Variants in ALK observed in about 807,000 individuals in gnomAD.
ALK encodes ALK tyrosine kinase receptor.
A neutral mutation model predicts 163.1 loss-of-function variants in ALK; 74 were observed. The ratio of observed to expected loss-of-function variants is 0.45; its 90% CI spans 0.38 to 0.55. The LOEUF (loss-of-function observed/expected upper bound fraction) is 0.55. Ranked by LOEUF, ALK falls within the 20% of genes least tolerant of loss-of-function variation. ALK has a pLI of 0.00. For synonymous variants in ALK, 960 were observed against 843.2 expected, an observed-to-expected ratio of 1.14 and a Z score of -2.40; for missense variants, 2,063 against 2,105.3, an observed-to-expected ratio of 0.98 and a Z score of 0.39.
chr2:29,320,287 G>A (rs974116969), intron 7 of ALK, among the ~76,000 whole-genome samples: 1 of 152,148 alleles, frequency 6.6e-6, no homozygotes, highest in Admixed American at 6.5e-5. Context: ...GGCTGGAGAG[G>A]CTGTGCTGCA....
chr2:29,822,139 C>T (rs1462443797), intron 1 of ALK, among the ~76,000 whole-genome samples: 1 of 152,174 alleles, frequency 6.6e-6, no homozygotes, highest in Non-Finnish European at 1.5e-5. Flanking sequence ...AAATCAGCTC[C>T]CAAGTCCCAA....
chr2:29,258,243 C>A (rs1257217512), intron 11 of ALK, among the ~76,000 whole-genome samples: 2 of 152,192 alleles, frequency 1.3e-5, no homozygotes, highest in Admixed American at 1.3e-4. Flanking sequence ...CTCTGTCCTG[C>A]AAATTGCCAA....
At chr2:29,744,902 T>C in intron 1 of ALK, among the ~76,000 whole-genome samples, 1 of 152,108 alleles carries the variant, frequency 6.6e-6, no homozygotes, top group East Asian at 1.9e-4. Flanking sequence ...ATTCTACTCA[T>C]CAGGCATGAG....
intron 4 of ALK, among the ~76,000 whole-genome samples, chr2:29,445,654 C>T (rs1670654898): frequency 6.6e-6 from 1 of 152,162 alleles, no homozygotes; most frequent in African/African-American, 2.4e-5. Context: ...AACTCTGTCT[C>T]TACTAAAAAT....
chr2:29,732,741 C>G (rs144340360), intron 1 of ALK, among the ~76,000 whole-genome samples: 1 of 152,140 alleles, frequency 6.6e-6, no homozygotes, highest in Non-Finnish European at 1.5e-5. Context: ...ACCCTCACCC[C>G]TTCCACCATG....
Position 29,689,026 on chromosome 2 carries a change from C to T in ALK, c.952+5824G>A, listed in dbSNP as rs542603725. On this transcript the variant is annotated intron_variant, in intron 3 of 28. Transcript: ENST00000389048. Reference sequence around the variant, plus strand: ...TGATTCTCCAGCTCTGAAGGTCGTCCGTCTCCATCTTACTGACAGCCTGTC... The same window carrying T: ...TGATTCTCCAGCTCTGAAGGTCGTCTGTCTCCATCTTACTGACAGCCTGTC... Among the ~76,000 whole-genome samples, 7 of 152,262 alleles carry T rather than the reference C, an allele frequency of 4.6e-5. No homozygotes were observed. In the East Asian group the frequency reaches 5.8e-4, roughly 13 times the overall value.
chr2:29,761,289 A>C (rs1010343840), intron 1 of ALK, among the ~76,000 whole-genome samples: 3 of 152,232 alleles, frequency 2.0e-5, no homozygotes, highest in Non-Finnish European at 1.5e-5. Flanking sequence ...CTTTGAAGGC[A>C]GATAGATGTG....
intron 5 of ALK, among the ~76,000 whole-genome samples, chr2:29,360,647 G>T (rs564903250): frequency 9.2e-5 from 14 of 152,182 alleles, no homozygotes; most frequent in South Asian, 2.1e-4. Context: ...TCAAAGAGTT[G>T]CAGTCTTAGG....
chr2:29,319,220 C>T (rs1200679142), intron 7 of ALK: 1 of 152,238 alleles, frequency 6.6e-6, no homozygotes, highest in Non-Finnish European at 1.5e-5. Flanking sequence ...GTCTGCAGAG[C>T]ATTTTGTACG....
At chr2:29,880,815 T>C (rs1489973634) in intron 1 of ALK, among the ~76,000 whole-genome samples, 2 of 152,206 alleles carry the variant, frequency 1.3e-5, no homozygotes, top group Non-Finnish European at 2.9e-5. Context: ...ATTGGCAAGA[T>C]GGAGGCTGGA....
intron 9 of ALK, among the ~76,000 whole-genome samples, chr2:29,279,974 G>A (rs930355982): frequency 9.9e-5 from 15 of 151,730 alleles, no homozygotes. Flanking sequence ...GGAAAGTTCT[G>A]GTATGTACCA....
chr2:29,614,895 C>T (rs1558408988), intron 3 of ALK, among the ~76,000 whole-genome samples: 1 of 152,202 alleles, frequency 6.6e-6, no homozygotes, highest in African/African-American at 2.4e-5. Context: ...CATTCTCCAG[C>T]CCGTATGGTG....
chr2:29,876,372 G>A (rs1666710471), intron 1 of ALK, among the ~76,000 whole-genome samples: 1 of 150,986 alleles, frequency 6.6e-6, no homozygotes, highest in Admixed American at 6.6e-5. Flanking sequence ...GGTGATGGTG[G>A]TGATAGTGAT....
chr2:29,526,415 C>G (rs1558367515), intron 4 of ALK, among the ~76,000 whole-genome samples: 1 of 152,226 alleles, frequency 6.6e-6, no homozygotes, highest in African/African-American at 2.4e-5. Context: ...AAATATCCCC[C>G]TGACAAGCCT....
chr2:29,287,544 C>T (rs1573194831), intron 9 of ALK, among the ~76,000 whole-genome samples: 5 of 152,014 alleles, frequency 3.3e-5, no homozygotes, highest in Admixed American at 3.3e-4. Flanking sequence ...GAAAAAAAAT[C>T]CCAATGACTG....
intron 3 of ALK, among the ~76,000 whole-genome samples, chr2:29,580,566 T>C (rs922249820): frequency 1.3e-5 from 2 of 152,184 alleles, no homozygotes; most frequent in African/African-American, 4.8e-5. Context: ...AGCCCCGTTA[T>C]TACAGTCCAT....
intron 4 of ALK, among the ~76,000 whole-genome samples, chr2:29,500,846 C>T (rs1485905949): frequency 1.3e-5 from 2 of 152,192 alleles, no homozygotes; most frequent in African/African-American, 2.4e-5. Flanking sequence ...TACACAGGGG[C>T]TCTGGTCTCA....
At chr2:29,657,869 T>C (rs769531496) in intron 3 of ALK, among the ~76,000 whole-genome samples, 3 of 152,088 alleles carry the variant, frequency 2.0e-5, no homozygotes, top group Non-Finnish European at 4.4e-5. Context: ...CAACTGGTGT[T>C]AGGGAAAGAA....
chr2:29,236,006 C>G (rs1161652377), intron 13 of ALK, among the ~76,000 whole-genome samples: 13 of 147,160 alleles, frequency 8.8e-5, no homozygotes, highest in Non-Finnish European at 2.0e-4. Flanking sequence ...CCATGCTTGA[C>G]TAATTTTTGT....
Sources: gnomAD v4.1 joint callset for allele counts (sites outside exome capture counted in the v4.1 genomes callset) on GRCh38, gnomAD v4.1.1 for gene constraint, MANE v1.5 for transcripts, NCBI Gene and HGNC (gene_info 2026-07-23, HGNC 2026-07-21) for gene names.